CNPY1: variants seen among roughly 807,000 people sequenced by gnomAD.
CNPY1 encodes the protein protein canopy homolog 1.
CNPY1 carries 14 observed loss-of-function variants against 14.4 expected under a neutral mutation model. The observed-to-expected ratio is 0.97, with a 90% CI of 0.64 to 1.52. CNPY1 has a LOEUF of 1.52. Ranked by LOEUF, CNPY1 falls within the 40% of genes most tolerant of loss-of-function variation. The pLI is 0.00. For missense variants in CNPY1, 129 were observed against 131.5 expected (o/e 0.98, Z 0.09); for synonymous variants, 43 against 46.5 (o/e 0.92, Z 0.31).
chr7:155,507,470 CT>C (rs1258202586), intron 3 of CNPY1, among the ~76,000 whole-genome samples: 2 of 5,494 alleles, frequency 3.6e-4, no homozygotes, highest in African/African-American at 4.5e-3. Context: ...GGTTTTTAAA[CT>C]AAAAAAAAAA....
intron 2 of CNPY1, among the ~76,000 whole-genome samples, chr7:155,525,562 T>A (rs895619014): frequency 7.1e-6 from 1 of 140,886 alleles, no homozygotes; most frequent in African/African-American, 2.4e-5. Flanking sequence ...GCTCATGTAA[T>A]ATATTCTCCT....
chr7:155,507,186 T>C (rs1396026600), intron 3 of CNPY1, 70 bp from the exon 4 acceptor site: 2 of 937,362 alleles, frequency 2.1e-6, no homozygotes, highest in Non-Finnish European at 3.4e-6. Flanking sequence ...GGAAGGACTT[T>C]GCAACAATTT....
rs370884271 is a variant in CNPY1, at chr7:155,537,463, G to A, written c.99+8368C>T. On this transcript the variant is annotated intron_variant, in intron 2 of 4. Coordinates refer to ENST00000636446, the MANE Select transcript of CNPY1 (RefSeq NM_001393663.1). ...TTTGAGACGGAGTTTCGCTTTTGTC[G>A]TCCAGGCTGGGGTGCAATGGTGCGA... 7.7e-5 allele frequency among the ~76,000 whole-genome samples: 11 copies of A among 142,600 alleles called. No individual in the cohort carries two copies. The South Asian group carries it at 1.1e-3, about 14-fold the overall frequency. 93.6% of individuals were successfully genotyped at this position (142,600 alleles called of 152,430 possible).
At chr7:155,515,377 C>T (rs1224627751) in intron 2 of CNPY1, among the ~76,000 whole-genome samples, 1 of 151,626 alleles carries the variant, frequency 6.6e-6, no homozygotes, top group Non-Finnish European at 1.5e-5. Context: ...GGCTCTTCCA[C>T]CTCCCAGACC....
chr7:155,512,946 T>G (rs1796556350), intron 2 of CNPY1, among the ~76,000 whole-genome samples: 1 of 152,248 alleles, frequency 6.6e-6, no homozygotes, highest in Non-Finnish European at 1.5e-5. Context: ...GTTTAATCAC[T>G]AACTTTTCAT....
At chr7:155,540,957 G>T (rs1024036710) in intron 2 of CNPY1, among the ~76,000 whole-genome samples, 1 of 152,232 alleles carries the variant, frequency 6.6e-6, no homozygotes, top group Non-Finnish European at 1.5e-5. Context: ...TAGGAAAGGT[G>T]CCATTAATCC....
In CNPY1 at chr7:155,512,833, CT is replaced by C. The variant is rs544932252; in HGVS notation, c.100-3737del. Among the ~76,000 whole-genome samples the C allele has an allele frequency of 1.5e-3, 232 of 152,302 alleles. 1 individual carries two copies. Among genetic ancestry groups the C allele is most frequent in the Non-Finnish European group, 2.4e-3 (164 of 68,016 alleles). Reference sequence around the variant, plus strand: ...TTCAGATATGAAACCAGTACTTAACCTGTTTAGTGACTGATAATTAATTTCA... The same window carrying C: ...TTCAGATATGAAACCAGTACTTAACCGTTTAGTGACTGATAATTAATTTCA... On this transcript the variant is annotated intron_variant, in intron 2 of 4. Transcript: ENST00000636446.
In CNPY1 at chr7:155,507,108, A is replaced by G; in HGVS notation, c.312T>C (p.Thr104=). 1.9e-6 allele frequency: 3 copies of G among 1,590,842 alleles called. No homozygotes were observed. The East Asian group carries it at 6.7e-5, about 36-fold the overall frequency. Residue 104 remains threonine, a synonymous_variant, in exon 4 of 5, where the codon ACT becomes ACC. Transcript: ENST00000636446. ...AYRPLKFACE[T]IIEEYEDEIS... ...TTTCATCTTCATACTCTTCTATTAT[A>G]GTTTCACACTGTAGAAACATAATAA...
intron 2 of CNPY1, among the ~76,000 whole-genome samples, chr7:155,516,639 G>C (rs760773877): frequency 1.3e-5 from 2 of 152,196 alleles, no homozygotes; most frequent in Non-Finnish European, 2.9e-5. Context: ...CCTCCAGAAC[G>C]CTGGGTCACC....
intron 2 of CNPY1, among the ~76,000 whole-genome samples, chr7:155,518,158 TC>T (rs1372785461): frequency 2.0e-5 from 3 of 152,152 alleles, no homozygotes; most frequent in Non-Finnish European, 4.4e-5. Flanking sequence ...GGTGGCCAGA[TC>T]CACAGTGCTC....
chr7:155,516,877 G>C (rs1368502839), intron 2 of CNPY1, among the ~76,000 whole-genome samples: 1 of 152,204 alleles, frequency 6.6e-6, no homozygotes, highest in Non-Finnish European at 1.5e-5. Context: ...AAGCCCTTAG[G>C]TTGGGCTGAG....
At chr7:155,537,900 T>A (rs1322182963) in intron 2 of CNPY1, among the ~76,000 whole-genome samples, 1 of 152,178 alleles carries the variant, frequency 6.6e-6, no homozygotes, top group Non-Finnish European at 1.5e-5. Flanking sequence ...ATATGTTTAT[T>A]ATAGAAAAAA....
At chr7:155,544,348 CCCCTTCCAGCCCCTT>C (rs1797134908) in intron 2 of CNPY1, among the ~76,000 whole-genome samples, 1 of 152,238 alleles carries the variant, frequency 6.6e-6, no homozygotes, top group South Asian at 2.1e-4. Flanking sequence ...CCCGGCTCCT[CCCCTTCCAGCCCCTT>C]CCTCAGGGCT....
chr7:155,525,334 T>C (rs1315470921), intron 2 of CNPY1, among the ~76,000 whole-genome samples: 5 of 152,048 alleles, frequency 3.3e-5, no homozygotes, highest in Non-Finnish European at 7.4e-5. Flanking sequence ...GCATGCGCCA[T>C]CACGGCCGGT....
chr7:155,535,486 C>T (rs945812470), intron 2 of CNPY1, among the ~76,000 whole-genome samples: 3 of 152,172 alleles, frequency 2.0e-5, no homozygotes, highest in Non-Finnish European at 4.4e-5. Flanking sequence ...CATAAGGATA[C>T]ACTCAAGAAA....
intron 2 of CNPY1, among the ~76,000 whole-genome samples, chr7:155,515,283 G>T (rs1438144201): frequency 7.1e-6 from 1 of 141,364 alleles, no homozygotes; most frequent in Non-Finnish European, 1.5e-5. Flanking sequence ...CCTGGTCCTG[G>T]TCTCAAGGCC....
At chr7:155,533,612 G>C (rs1315500346) in intron 2 of CNPY1, 1 of 152,208 alleles carries the variant, frequency 6.6e-6, no homozygotes, top group Non-Finnish European at 1.5e-5. Context: ...AAACCCCCGA[G>C]GGGAAAAGCG....
intron 2 of CNPY1, among the ~76,000 whole-genome samples, chr7:155,510,864 C>T (rs775035868): frequency 6.6e-6 from 1 of 152,188 alleles, no homozygotes; most frequent in Non-Finnish European, 1.5e-5. Flanking sequence ...GTATTAATCA[C>T]TGGAAAAACT....
At chr7:155,509,404 A>G (rs1451496751) in intron 2 of CNPY1, among the ~76,000 whole-genome samples, 2 of 152,204 alleles carry the variant, frequency 1.3e-5, no homozygotes, top group Non-Finnish European at 2.9e-5. Flanking sequence ...GAAATCACTG[A>G]GCATGTAGCA....
Sources: gnomAD v4.1 joint callset for allele counts (sites outside exome capture counted in the v4.1 genomes callset) on GRCh38, gnomAD v4.1.1 for gene constraint, MANE v1.5 for transcripts, NCBI Gene and HGNC (gene_info 2026-07-23, HGNC 2026-07-21) for gene names.